The following SLK variants were observed in gnomAD, a reference collection of about 807,000 sequenced individuals.
SLK encodes the protein STE20 like kinase, also known as STE20-like serine/threonine-protein kinase.
In SLK, 67 loss-of-function variants were observed where a neutral mutation model predicts 147.7. The ratio of observed to expected loss-of-function variants is 0.45; its 90% CI spans 0.37 to 0.56. The LOEUF (loss-of-function observed/expected upper bound fraction) is 0.56. SLK is among the 20% of genes least tolerant of loss of function. The pLI, the probability that SLK is intolerant of heterozygous loss-of-function variation, is 0.00. For synonymous variants in SLK, 441 were observed against 475.0 expected (o/e 0.93, Z 0.93); for missense variants, 1,136 against 1,438.8 (o/e 0.79, Z 3.41).
chr10:103,999,005 G>T, intron 5 of SLK, 34 bp downstream of exon 5: 1 of 1,551,344 alleles, frequency 6.4e-7, no homozygotes, highest in Non-Finnish European at 8.9e-7. Context: ...TATAGTATTA[G>T]TCATGTCAGC....
chr10:104,022,166 G>A (rs185997879), intron 18 of SLK, among the ~76,000 whole-genome samples: 11 of 152,134 alleles, frequency 7.2e-5, no homozygotes, highest in Admixed American at 6.5e-4. Context: ...ATTGTAGATC[G>A]TTCTCTGACA....
chr10:103,986,971 T>C (rs1476512168), intron 1 of SLK, among the ~76,000 whole-genome samples: 3 of 152,224 alleles, frequency 2.0e-5, no homozygotes, highest in Non-Finnish European at 2.9e-5. Context: ...CCACCACGCC[T>C]GGCCTATGTG....
chr10:104,021,603 C>T lies in SLK; in HGVS notation c.3448-17C>T. 2 of 1,497,200 alleles carry T rather than the reference C, an allele frequency of 1.3e-6. No homozygotes were observed. The highest frequency in any genetic ancestry group is 4.1e-5 in the Admixed American group (2 of 48,804). The allele number at this position is 1,497,200 out of a possible 1,614,324, so 92.7% of individuals were successfully genotyped here. On this transcript the variant is annotated splice_polypyrimidine_tract_variant and intron_variant, in intron 17 of 18. Coordinates refer to ENST00000369755, the MANE Select transcript of SLK (RefSeq NM_014720.4). ...TAGTTGATCTGAAATTTTTTTAAATCCCAACTTTATTTTCAGAATGAAAAA... is the reference window on the plus strand; with the variant it reads ...TAGTTGATCTGAAATTTTTTTAAATTCCAACTTTATTTTCAGAATGAAAAA...
intron 13 of SLK, among the ~76,000 whole-genome samples, chr10:104,014,183 C>T (rs1844433214): frequency 6.6e-6 from 1 of 152,134 alleles, no homozygotes; most frequent in African/African-American, 2.4e-5. Flanking sequence ...ATTTTGATTG[C>T]ATATATGTTT....
In SLK at chr10:103,992,668, C is replaced by A. The variant is rs761914545; in HGVS notation, c.364+22C>A. The stretch of plus-strand genomic sequence containing the variant: ...CTTGGTAAATACCTTTTTGTTCTTT[C>A]TGTTCATATCTTAAATTATACTTGA... On this transcript the variant is annotated intron_variant, in intron 3 of 18. Coordinates refer to ENST00000369755, the MANE Select transcript of SLK (RefSeq NM_014720.4). The A allele has an allele frequency of 5.1e-6, 8 of 1,575,640 alleles. No homozygotes were observed. In the East Asian group the frequency reaches 1.6e-4, roughly 31 times the overall value.
chr10:103,967,974 C>A, intron 1 of SLK, 79 bp downstream of exon 1: 1 of 1,428,158 alleles, frequency 7.0e-7, no homozygotes, highest in African/African-American at 1.4e-5. Flanking sequence ...ACTTCTGCTC[C>A]CCTGGTCCTT....
rs1223136892 is a variant in SLK, at chr10:103,990,844, G to C, written c.315+5G>C. 10 of 1,483,216 alleles carry C rather than the reference G, an allele frequency of 6.7e-6. No individual in the cohort carries two copies. Among genetic ancestry groups the C allele is most frequent in the Non-Finnish European group, 8.9e-6 (10 of 1,122,052 alleles). 91.9% of individuals were successfully genotyped at this position (1,483,216 alleles called of 1,614,324 possible). ...TATTATGAGAACAATCTTTGGGTAA[G>C]TATTTTCTGTTGATCTAAAGGAGTA... is the stretch of plus-strand genomic sequence containing the variant. On this transcript the variant is annotated splice_donor_5th_base_variant and intron_variant, in intron 2 of 18. Transcript: ENST00000369755.
At chr10:103,988,488 C>G (rs2134466129) in intron 1 of SLK, among the ~76,000 whole-genome samples, 1 of 152,184 alleles carries the variant, frequency 6.6e-6, no homozygotes, top group Admixed American at 6.5e-5. Flanking sequence ...AATTTGCAAC[C>G]TCTAGCATAA....
At chr10:103,974,021 T>C (rs377751075) in intron 1 of SLK, among the ~76,000 whole-genome samples, 1 of 152,230 alleles carries the variant, frequency 6.6e-6, no homozygotes, top group Admixed American at 6.5e-5. Context: ...TTTCTCTTAA[T>C]AGCCTTTAGG....
In SLK at chr10:104,003,508, G is replaced by A. The variant is rs944405100; in HGVS notation, c.2330G>A (p.Ser777Asn). ...AGCTTTCTAAGTAAAACTAAAGACA[G>A]TGGATCGATATCTTTACAAGTAAGT... ...ISSFLSKTKDSGSISLQETRR... is the reference protein window; with the variant it reads ...ISSFLSKTKDNGSISLQETRR... Residue 777 changes from serine to asparagine, a missense_variant, in exon 9 of 19, where the codon AGT becomes AAT. Ser to Asn is a conservative substitution (Grantham distance 46, BLOSUM62 1). Around this residue, in one of 6 missense-constraint regions of SLK, gnomAD observed 516 missense variants for 531.3 expected, o/e 0.97. Transcript: ENST00000369755. The A allele has an allele frequency of 1.9e-6, 3 of 1,581,342 alleles. No homozygotes were observed. The highest frequency in any genetic ancestry group is 2.6e-6 in the Non-Finnish European group (3 of 1,165,640).
In SLK at chr10:103,967,644, C is replaced by A; in HGVS notation, c.-102C>A. 1 of 1,087,234 alleles carries A rather than the reference C, an allele frequency of 9.2e-7. No individual in the cohort carries two copies. The highest frequency in any genetic ancestry group is 1.7e-5 in the African/African-American group (1 of 60,192). The allele number at this position is 1,087,234 out of a possible 1,614,324, so 67.3% of individuals were successfully genotyped here. A position where few individuals can be genotyped will look rare whatever the true frequency, so the allele number is the denominator to read the frequency against. On this transcript the variant is annotated 5_prime_UTR_variant, in exon 1 of 19. Transcript: ENST00000369755. ...TGCGGGGGCCGAGGGACGCCGCGCCCGCCGCCGCCAGCCGGGCTCGCGCGG... is the reference window on the plus strand; with the variant it reads ...TGCGGGGGCCGAGGGACGCCGCGCCAGCCGCCGCCAGCCGGGCTCGCGCGG...
Position 103,993,036 on chromosome 10 carries a change from T to C in SLK, c.417T>C (p.Thr139=), listed in dbSNP as rs56287824. ...ESQIQVVCKQ[T]LDALNYLHDN... ...AAATACAAGTAGTTTGCAAGCAGACTTTAGATGCATTGAACTACTTACATG... is the reference window on the plus strand; with the variant it reads ...AAATACAAGTAGTTTGCAAGCAGACCTTAGATGCATTGAACTACTTACATG... Residue 139 remains threonine (T), a synonymous_variant, in exon 4 of 19, where the codon ACT becomes ACC. Coordinates refer to ENST00000369755, the MANE Select transcript of SLK (RefSeq NM_014720.4). 3.0e-5 allele frequency: 49 copies of C among 1,610,832 alleles called. No homozygotes were observed. The East Asian group carries it at 9.2e-4, about 30-fold the overall frequency.
At chr10:103,998,326 T>C (rs539526758) in intron 4 of SLK, among the ~76,000 whole-genome samples, 3 of 152,302 alleles carry the variant, frequency 2.0e-5, no homozygotes, top group Non-Finnish European at 4.4e-5. Context: ...AATAGCAGTT[T>C]TATGTTGCTG....
intron 11 of SLK, among the ~76,000 whole-genome samples, chr10:104,006,397 T>C (rs185044301): frequency 1.3e-5 from 2 of 152,338 alleles, no homozygotes; most frequent in East Asian, 1.9e-4. Flanking sequence ...AATCCAAGAT[T>C]TTAAGCCAGT....
intron 13 of SLK, among the ~76,000 whole-genome samples, chr10:104,012,437 G>C (rs1844412008): frequency 6.6e-6 from 1 of 152,138 alleles, no homozygotes; most frequent in South Asian, 2.1e-4. Flanking sequence ...GGTATTCCTA[G>C]TTTAAGGTGG....
At chr10:104,015,685 ACT>A (rs10555450) in intron 13 of SLK, among the ~76,000 whole-genome samples, 72,117 of 151,866 alleles carry the variant, frequency 0.47, 18,420 homozygotes, top group East Asian at 0.72. Context: ...TTTGAATTGA[ACT>A]CTTACTGTGT....
At chr10:103,969,011 C>T (rs1843757534) in intron 1 of SLK, among the ~76,000 whole-genome samples, 1 of 152,068 alleles carries the variant, frequency 6.6e-6, no homozygotes, top group Non-Finnish European at 1.5e-5. Flanking sequence ...CCCTTTTGCC[C>T]AGGCTGGAGT....
At chr10:103,986,138 A>G (rs1844009267) in intron 1 of SLK, among the ~76,000 whole-genome samples, 1 of 152,190 alleles carries the variant, frequency 6.6e-6, no homozygotes, top group African/African-American at 2.4e-5. Context: ...ATGGAAGACA[A>G]CTTTTCCACA....
chr10:103,983,957 TC>T (rs1843979219), intron 1 of SLK, among the ~76,000 whole-genome samples: 1 of 152,198 alleles, frequency 6.6e-6, no homozygotes, highest in African/African-American at 2.4e-5. Flanking sequence ...TCCAATCTTT[TC>T]CCTTTGTTCC....
Sources: gnomAD v4.1 joint callset for allele counts (sites outside exome capture counted in the v4.1 genomes callset) on GRCh38, gnomAD v4.1.1 for gene constraint, gnomAD v4.1.1 regional missense constraint, MANE v1.5 for transcripts, NCBI Gene and HGNC (gene_info 2026-07-23, HGNC 2026-07-21) for gene names.